Variants in MYRIP observed in about 807,000 individuals in gnomAD.
MYRIP encodes the protein myosin VIIA and Rab interacting protein.
In MYRIP, 49 loss-of-function variants were observed where a neutral mutation model predicts 98.0. The ratio of observed to expected loss-of-function variants is 0.50; its 90% CI spans 0.40 to 0.63. The LOEUF is 0.63. Ranked by LOEUF, MYRIP falls within the 30% of genes least tolerant of loss-of-function variation. The probability of loss-of-function intolerance (pLI) is 0.00; values close to 1 mark genes in which losing one functional copy is unlikely to be tolerated. For synonymous variants in MYRIP, 404 were observed against 409.5 expected (o/e 0.99, Z 0.16); for missense variants, 1,004 against 1,058.2 (o/e 0.95, Z 0.71).
At chr3:39,923,002 A>T (rs1944338015) in intron 2 of MYRIP, among the ~76,000 whole-genome samples, 1 of 152,198 alleles carries the variant, frequency 6.6e-6, no homozygotes, top group African/African-American at 2.4e-5. Context: ...AGGAAGTACA[A>T]AGTCTCCGCG....
At chr3:40,255,153 A>C (rs1484205866) in intron 16 of MYRIP, among the ~76,000 whole-genome samples, 1 of 152,230 alleles carries the variant, frequency 6.6e-6, no homozygotes, top group Non-Finnish European at 1.5e-5. Flanking sequence ...CAGAGCGGAA[A>C]AAGATGCATT....
chr3:39,849,315 G>T (rs544818495), intron 1 of MYRIP, among the ~76,000 whole-genome samples: 2 of 152,280 alleles, frequency 1.3e-5, no homozygotes, highest in Middle Eastern at 3.4e-3. Flanking sequence ...TCTGAAGTTG[G>T]ATACAAATAG....
intron 2 of MYRIP, among the ~76,000 whole-genome samples, chr3:39,919,312 A>C (rs1944245466): frequency 1.3e-5 from 2 of 152,124 alleles, no homozygotes; most frequent in Admixed American, 1.3e-4. Context: ...TCCTGCTCTA[A>C]AGCCCAAGGC....
intron 13 of MYRIP, among the ~76,000 whole-genome samples, chr3:40,245,747 ATTTTTTTTTT>A (rs539410162): frequency 1.0e-5 from 1 of 95,854 alleles, no homozygotes; most frequent in Non-Finnish European, 1.9e-5. Context: ...TGGTTTGCTG[ATTTTTTTTTT>A]TTTTTTTTGA....
chr3:39,955,794 A>G (rs1945141448), intron 2 of MYRIP, among the ~76,000 whole-genome samples: 1 of 152,212 alleles, frequency 6.6e-6, no homozygotes, highest in African/African-American at 2.4e-5. Flanking sequence ...TCTCACATGC[A>G]GAGACACACA....
At chr3:39,881,797 T>C (rs1286059169) in intron 1 of MYRIP, among the ~76,000 whole-genome samples, 2 of 152,154 alleles carry the variant, frequency 1.3e-5, no homozygotes, top group Admixed American at 6.6e-5. Flanking sequence ...ATTTCTACTC[T>C]GTAAGCTTAG....
At chr3:39,831,874 G>A (rs1045201830) in intron 1 of MYRIP, among the ~76,000 whole-genome samples, 1 of 152,164 alleles carries the variant, frequency 6.6e-6, no homozygotes, top group Non-Finnish European at 1.5e-5. Flanking sequence ...GAACCATCTT[G>A]TGGGATGGTT....
chr3:39,975,968 C>A (rs1276530009), intron 2 of MYRIP, among the ~76,000 whole-genome samples: 1 of 152,166 alleles, frequency 6.6e-6, no homozygotes, highest in Non-Finnish European at 1.5e-5. Flanking sequence ...CTAGACAATA[C>A]CATTCAGGAC....
intron 10 of MYRIP, among the ~76,000 whole-genome samples, chr3:40,197,040 C>A (rs1951410592): frequency 6.6e-6 from 1 of 152,130 alleles, no homozygotes; most frequent in Non-Finnish European, 1.5e-5. Context: ...AGCCTCTATG[C>A]CAGGGGTCCC....
At chr3:40,019,714 T>TC (rs78238096) in intron 2 of MYRIP, among the ~76,000 whole-genome samples, 2,856 of 147,614 alleles carry the variant, frequency 0.019, 65 homozygotes, top group African/African-American at 0.054. Flanking sequence ...AACAATTCAA[T>TC]CCCCCCCCCG....
intron 2 of MYRIP, among the ~76,000 whole-genome samples, chr3:40,035,875 A>G (rs1359526659): frequency 6.6e-6 from 1 of 152,044 alleles, no homozygotes; most frequent in Non-Finnish European, 1.5e-5. Context: ...GAAACTCAAT[A>G]CAATTTCAAA....
At chr3:39,930,234 G>A (rs1944504927) in intron 2 of MYRIP, among the ~76,000 whole-genome samples, 1 of 151,824 alleles carries the variant, frequency 6.6e-6, no homozygotes, top group Admixed American at 6.6e-5. Flanking sequence ...CTGTCTTTTT[G>A]AGCACAGCCA....
intron 1 of MYRIP, among the ~76,000 whole-genome samples, chr3:39,863,674 G>T (rs1942534780): frequency 6.6e-6 from 1 of 152,064 alleles, no homozygotes; most frequent in African/African-American, 2.4e-5. Flanking sequence ...GTAATATAAA[G>T]CTTACCATCC....
In MYRIP at chr3:39,941,789, G is replaced by A. The variant is rs567368007; in HGVS notation, c.110+40863G>A. 3.3e-5 allele frequency among the ~76,000 whole-genome samples: 5 copies of A among 152,136 alleles called. No individual in the cohort carries two copies. The East Asian group carries it at 9.7e-4, about 29-fold the overall frequency. On this transcript the variant is annotated intron_variant, in intron 2 of 16. Transcript: ENST00000302541. ...TTTTTATAACATAAATAATGCTACA[G>A]TGAACATCCTCATATATTATAAAAT...
chr3:39,984,333 G>A (rs1459675796), intron 2 of MYRIP, among the ~76,000 whole-genome samples: 2 of 151,910 alleles, frequency 1.3e-5, no homozygotes, highest in Non-Finnish European at 2.9e-5. Flanking sequence ...CCACTAACTC[G>A]TCATCTAGCA....
chr3:40,219,525 C>T (rs1952257701), intron 11 of MYRIP, among the ~76,000 whole-genome samples: 1 of 152,118 alleles, frequency 6.6e-6, no homozygotes, highest in African/African-American at 2.4e-5. Flanking sequence ...TGATGTTCCC[C>T]TTCCTGTGTC....
intron 1 of MYRIP, among the ~76,000 whole-genome samples, chr3:39,832,674 G>T (rs563568107): frequency 4.6e-5 from 7 of 152,182 alleles, no homozygotes; most frequent in African/African-American, 1.4e-4. Context: ...TGGAAGGAAA[G>T]AAATAATTTT....
intron 3 of MYRIP, among the ~76,000 whole-genome samples, chr3:40,054,053 T>C (rs9842085): frequency 0.29 from 44,074 of 151,836 alleles, 6,421 homozygotes; most frequent in East Asian, 0.35. Context: ...TCATCTTACC[T>C]GAGGCCTTTC....
At chr3:39,842,919 C>T (rs536458031) in intron 1 of MYRIP, among the ~76,000 whole-genome samples, 1 of 152,366 alleles carries the variant, frequency 6.6e-6, no homozygotes, top group South Asian at 2.1e-4. Context: ...ATCTTGCCAG[C>T]CTCCTCCAGT....
Sources: gnomAD v4.1 joint callset for allele counts (sites outside exome capture counted in the v4.1 genomes callset) on GRCh38, gnomAD v4.1.1 for gene constraint, MANE v1.5 for transcripts, NCBI Gene and HGNC (gene_info 2026-07-23, HGNC 2026-07-21) for gene names.